The following SHROOM3 variants were observed in gnomAD, a reference collection of about 807,000 sequenced individuals.
SHROOM3 encodes protein Shroom3.
In SHROOM3, 47 loss-of-function variants were observed where a neutral mutation model predicts 138.6. The ratio of observed to expected loss-of-function variants is 0.34; its 90% CI spans 0.27 to 0.43. The LOEUF (loss-of-function observed/expected upper bound fraction) is 0.43. Ranked by LOEUF, SHROOM3 falls within the 20% of genes least tolerant of loss-of-function variation. The pLI, the probability that SHROOM3 is intolerant of heterozygous loss-of-function variation, is 1.00. For synonymous variants in SHROOM3, 1,062 were observed against 1,063.3 expected, an observed-to-expected ratio of 1.00 and a Z score of 0.02; for missense variants, 2,491 against 2,596.5, an observed-to-expected ratio of 0.96 and a Z score of 0.88.
chr4:76,646,547 C>T (rs145199906), intron 2 of SHROOM3, among the ~76,000 whole-genome samples: 12 of 152,086 alleles, frequency 7.9e-5, no homozygotes, highest in African/African-American at 2.4e-4. Flanking sequence ...GTCCATGTTG[C>T]TCTCAGACTG....
chr4:76,741,809 G>T lies in SHROOM3; in HGVS notation c.3636G>T (p.Trp1212Cys). The T allele has an allele frequency of 6.3e-7, 1 of 1,587,488 alleles. No individual in the cohort carries two copies. Among genetic ancestry groups the T allele is most frequent in the Non-Finnish European group, 8.6e-7 (1 of 1,167,494 alleles). Reference protein sequence around the residue: ...GDETPREPSSWGARAGKSMSA... With the variant: ...GDETPREPSSCGARAGKSMSA... ...AGACCCCCAGGGAGCCATCCTCCTGGGGGGCCAGGGCCGGGAAGTCCATGT... is the reference window on the plus strand; with the variant it reads ...AGACCCCCAGGGAGCCATCCTCCTGTGGGGCCAGGGCCGGGAAGTCCATGT... The change falls in exon 5 of 11, where the codon TGG (tryptophan) becomes TGT (cysteine). Residue 1212 changes from tryptophan (W) to cysteine (C), a missense_variant. This residue lies in a region of SHROOM3 where 1,733 missense variants were observed against 1,661.6 expected (regional missense o/e 1.04). Coordinates refer to ENST00000296043, the MANE Select transcript of SHROOM3 (RefSeq NM_020859.4). The surrounding 1 kb of genome is among the most constrained non-coding windows in gnomAD (Gnocchi z 6.2).
At chr4:76,567,242 G>C (rs1254394836) in intron 2 of SHROOM3, among the ~76,000 whole-genome samples, 1 of 152,146 alleles carries the variant, frequency 6.6e-6, no homozygotes, top group African/African-American at 2.4e-5. Context: ...ATTTTTAAAA[G>C]ATTCTTTGGG....
intron 1 of SHROOM3, among the ~76,000 whole-genome samples, chr4:76,443,745 T>C (rs1279974293): frequency 1.3e-5 from 2 of 152,230 alleles, no homozygotes; most frequent in Non-Finnish European, 2.9e-5. Flanking sequence ...GTTTGTAGAA[T>C]GGAAGTGATT....
At chr4:76,440,128 C>T (rs1479418153) in intron 1 of SHROOM3, among the ~76,000 whole-genome samples, 1 of 152,186 alleles carries the variant, frequency 6.6e-6, no homozygotes, top group Non-Finnish European at 1.5e-5. Context: ...CAACAATAAA[C>T]AACAACAGCA....
intron 2 of SHROOM3, among the ~76,000 whole-genome samples, chr4:76,582,374 T>C (rs1459780323): frequency 6.6e-6 from 1 of 151,236 alleles, no homozygotes; most frequent in East Asian, 1.9e-4. Flanking sequence ...GACCCAGAAA[T>C]TAAAAAAAAA....
intron 2 of SHROOM3, among the ~76,000 whole-genome samples, chr4:76,632,527 G>C: frequency 6.6e-6 from 1 of 152,290 alleles, no homozygotes; most frequent in South Asian, 2.1e-4. Context: ...TCATTGACTT[G>C]GCAAGAGGTG....
rs190636143 is a variant in SHROOM3, at chr4:76,446,605, C to T, written c.168+10385C>T. ...AAACCTCAACCCCCAAGGCCTGGTA[C>T]TCAAGGAGAAATACTAGACGAACAT... On this transcript the variant is annotated intron_variant, in intron 1 of 10. Transcript: ENST00000296043. Among the ~76,000 whole-genome samples the T allele has an allele frequency of 9.4e-4, 143 of 152,246 alleles. 1 individual carries two copies. Among genetic ancestry groups the T allele is most frequent in the Non-Finnish European group, 6.3e-4 (43 of 68,024 alleles).
At chr4:76,641,608 G>C (rs1401194946) in intron 2 of SHROOM3, among the ~76,000 whole-genome samples, 2 of 152,190 alleles carry the variant, frequency 1.3e-5, no homozygotes, top group African/African-American at 4.8e-5. Context: ...TAATCTCTGG[G>C]CCAGGCAACC....
rs189500748 is a variant in SHROOM3 at position 76,772,140 on chromosome 4, G to A, written c.5622+1242G>A. Among the ~76,000 whole-genome samples the A allele has an allele frequency of 5.0e-3, 667 of 133,138 alleles. 4 individuals are homozygous for A. The highest frequency in any genetic ancestry group is 6.1e-3 in the Non-Finnish European group (394 of 64,992). The allele number at this position is 133,138 out of a possible 152,430, so 87.3% of individuals were successfully genotyped here. On this transcript the variant is annotated intron_variant, in intron 10 of 10. Transcript: ENST00000296043. ...TTTTTTTGAGACAGAGTCTCACTCCGTCACCCAGGCTTGAGTGCAGTGGCG... is the reference window on the plus strand; with the variant it reads ...TTTTTTTGAGACAGAGTCTCACTCCATCACCCAGGCTTGAGTGCAGTGGCG...
intron 1 of SHROOM3, among the ~76,000 whole-genome samples, chr4:76,549,588 C>G (rs1485138946): frequency 6.6e-6 from 1 of 152,078 alleles, no homozygotes; most frequent in African/African-American, 2.4e-5. Context: ...AGGCTGGTCT[C>G]GAACTCCTGA....
chr4:76,618,177 G>A (rs949692139), intron 2 of SHROOM3, among the ~76,000 whole-genome samples: 3 of 152,164 alleles, frequency 2.0e-5, no homozygotes, highest in African/African-American at 7.2e-5. Context: ...GGTGGCATGT[G>A]CCTATAGGCC....
intron 2 of SHROOM3, among the ~76,000 whole-genome samples, chr4:76,698,538 T>G (rs561141414): frequency 3.9e-5 from 6 of 152,146 alleles, no homozygotes; most frequent in Non-Finnish European, 8.8e-5. Context: ...ACAGACTACA[T>G]TGGGACCCTC....
intron 2 of SHROOM3, among the ~76,000 whole-genome samples, chr4:76,557,987 T>C (rs1228560118): frequency 6.6e-6 from 1 of 151,968 alleles, no homozygotes; most frequent in East Asian, 1.9e-4. Context: ...GTCCAGAGAG[T>C]GCTGAAGGTT....
chr4:76,603,466 G>A (rs79888146), intron 2 of SHROOM3, among the ~76,000 whole-genome samples: 49 of 151,974 alleles, frequency 3.2e-4, no homozygotes, highest in South Asian at 6.2e-4. Flanking sequence ...AAAAAAAACC[G>A]TACTTTGCAA....
intron 3 of SHROOM3, among the ~76,000 whole-genome samples, chr4:76,725,320 A>G (rs75826615): frequency 0.014 from 2,180 of 152,260 alleles, 27 homozygotes; most frequent in Non-Finnish European, 0.018. Flanking sequence ...CCTACTTTCT[A>G]AAGCACTTAT....
intron 9 of SHROOM3, among the ~76,000 whole-genome samples, chr4:76,769,674 G>A (rs1298589251): frequency 2.0e-5 from 3 of 152,204 alleles, no homozygotes; most frequent in Admixed American, 2.0e-4. Flanking sequence ...AATTTCTAAT[G>A]ATTGTACAAG....
chr4:76,744,168 C>T (rs1721355454), intron 5 of SHROOM3, among the ~76,000 whole-genome samples: 1 of 152,118 alleles, frequency 6.6e-6, no homozygotes, highest in Non-Finnish European at 1.5e-5. Context: ...CAATTAAATA[C>T]TTTGTATTAT....
chr4:76,470,580 A>G (rs1015652367), intron 1 of SHROOM3, among the ~76,000 whole-genome samples: 1 of 152,214 alleles, frequency 6.6e-6, no homozygotes, highest in South Asian at 2.1e-4. Flanking sequence ...CTGTGATTGC[A>G]TTGCCACATT....
chr4:76,761,468 A>G (rs1721986222), intron 9 of SHROOM3, among the ~76,000 whole-genome samples: 1 of 152,138 alleles, frequency 6.6e-6, no homozygotes, highest in African/African-American at 2.4e-5. Context: ...CTCCTCTGAC[A>G]CTTGTACTAC....
Sources: allele counts gnomAD v4.1 joint callset (sites outside exome capture counted in the v4.1 genomes callset), GRCh38; gene constraint gnomAD v4.1.1; regional missense constraint gnomAD v4.1.1; non-coding constraint Gnocchi (gnomAD v3.1); transcripts MANE v1.5; gene names NCBI Gene and HGNC (gene_info 2026-07-23, HGNC 2026-07-21).